FLRT1: variants seen among roughly 807,000 people sequenced by gnomAD.
FLRT1 encodes the protein leucine-rich repeat transmembrane protein FLRT1.
Under a neutral mutation model 30.9 loss-of-function variants are expected in FLRT1, and 14 were observed. The ratio of observed to expected loss-of-function variants is 0.45; its 90% CI spans 0.30 to 0.71. The LOEUF (loss-of-function observed/expected upper bound fraction) is 0.71. Among genes scored for constraint, FLRT1 ranks in the 30% least tolerant of loss-of-function variants. The pLI is 0.08. For missense variants in FLRT1, 737 were observed against 949.2 expected, an observed-to-expected ratio of 0.78 and a Z score of 2.94; for synonymous variants, 368 against 430.4, an observed-to-expected ratio of 0.85 and a Z score of 1.80.
Position 64,096,769 on chromosome 11 carries a change from C to A in FLRT1, c.-1037-6425C>A, listed in dbSNP as rs778086488. ...TCTGTGAAGGGGCAGGCTCTGGCCG[C>A]AGTGCCCCTCCCTGAGGGGAAGAGG... On this transcript the variant is annotated intron_variant, in intron 1 of 2. Coordinates refer to ENST00000682287, the MANE Select transcript of FLRT1 (RefSeq NM_013280.5). This position sits in a 1 kb window ranked among gnomAD's most constrained non-coding sequence, Gnocchi z 4.6. Among the ~76,000 whole-genome samples, 4 of 152,212 alleles carry A rather than the reference C, an allele frequency of 2.6e-5. No individual in the cohort carries two copies. The highest frequency in any genetic ancestry group is 6.5e-5 in the Admixed American group (1 of 15,288).
In FLRT1 at chr11:64,118,174, A is replaced by G; in HGVS notation, c.1907A>G (p.His636Arg). ...CGCGCCAAAGAAGAGTACGTGGTCC[A>G]CACTATCTTCCCCTCCAACGGCAGC... is the stretch of plus-strand genomic sequence containing the variant. Reference protein sequence around the residue: ...PYRAKEEYVVHTIFPSNGSSL... With the variant: ...PYRAKEEYVVRTIFPSNGSSL... Residue 636 changes from histidine to arginine, a missense_variant, in exon 3 of 3, where the codon CAC (histidine) becomes CGC (arginine). His to Arg is a conservative substitution (Grantham distance 29, BLOSUM62 0). Coordinates refer to ENST00000682287, the MANE Select transcript of FLRT1 (RefSeq NM_013280.5). 7 of 1,613,674 alleles carry G rather than the reference A, an allele frequency of 4.3e-6. No homozygotes were observed. The highest frequency in any genetic ancestry group is 5.9e-6 in the Non-Finnish European group (7 of 1,179,986).
At chr11:64,083,462 A>C (rs1944337907) in intron 1 of FLRT1, among the ~76,000 whole-genome samples, 1 of 152,118 alleles carries the variant, frequency 6.6e-6, no homozygotes, top group Admixed American at 6.5e-5. Flanking sequence ...AAAATAAAAG[A>C]AGCAAATGGC....
chr11:64,050,884 G>T, intron 1 of FLRT1, among the ~76,000 whole-genome samples: 1 of 152,222 alleles, frequency 6.6e-6, no homozygotes, highest in East Asian at 1.9e-4. Flanking sequence ...TTTCCAAAGT[G>T]CTGGGATTAC....
intron 2 of FLRT1, among the ~76,000 whole-genome samples, chr11:64,106,809 C>T (rs1026813757): frequency 1.3e-5 from 2 of 152,242 alleles, no homozygotes; most frequent in Admixed American, 6.5e-5. Flanking sequence ...CTTCCTTTTC[C>T]TCATCCCCCA....
Position 64,093,550 on chromosome 11 carries a change from T to C in FLRT1, c.-1037-9644T>C, listed in dbSNP as rs1039196188. On this transcript the variant is annotated intron_variant, in intron 1 of 2. Transcript: ENST00000682287. ...CATCTCTGCCTGGTACAGATTTCTT[T>C]CTTAACTCCATCCCTCCCAGTCCTT... 7.2e-5 allele frequency among the ~76,000 whole-genome samples: 11 copies of C among 152,318 alleles called. No individual in the cohort carries two copies. In the East Asian group the frequency reaches 1.9e-3, roughly 27 times the overall value.
chr11:64,061,223 G>GTTAT (rs1943897022), intron 1 of FLRT1, among the ~76,000 whole-genome samples: 2 of 152,244 alleles, frequency 1.3e-5, no homozygotes, highest in African/African-American at 4.8e-5. Flanking sequence ...TGTAATAAAT[G>GTTAT]CATTTGGAGT....
At chr11:64,053,966 T>C (rs2134419053) in intron 1 of FLRT1, among the ~76,000 whole-genome samples, 1 of 152,244 alleles carries the variant, frequency 6.6e-6, no homozygotes. Context: ...GTTCCTGCGT[T>C]CCAGCACCGT....
At chr11:64,085,046 C>A (rs1944370083) in intron 1 of FLRT1, among the ~76,000 whole-genome samples, 1 of 152,232 alleles carries the variant, frequency 6.6e-6, no homozygotes, top group African/African-American at 2.4e-5. Flanking sequence ...GATAAAGAAA[C>A]TGAGGCTCAG....
At chr11:64,046,049 A>G (rs761215508) in intron 1 of FLRT1, among the ~76,000 whole-genome samples, 1 of 152,170 alleles carries the variant, frequency 6.6e-6, no homozygotes, top group Non-Finnish European at 1.5e-5. Context: ...TGATACTGTT[A>G]TTATTCCCTT....
intron 1 of FLRT1, among the ~76,000 whole-genome samples, chr11:64,041,599 A>C (rs1468081371): frequency 3.3e-5 from 5 of 151,050 alleles, no homozygotes; most frequent in South Asian, 4.2e-4. Flanking sequence ...GAATGAATGG[A>C]AAAAGGGGTG....
chr11:64,069,468 A>G (rs1944065766), intron 1 of FLRT1, among the ~76,000 whole-genome samples: 1 of 152,206 alleles, frequency 6.6e-6, no homozygotes, highest in Non-Finnish European at 1.5e-5. Flanking sequence ...GCTGCTGGCC[A>G]GTCTGGTCCC....
At chr11:64,055,429 G>A (rs1236294266) in intron 1 of FLRT1, among the ~76,000 whole-genome samples, 3 of 152,346 alleles carry the variant, frequency 2.0e-5, no homozygotes, top group Non-Finnish European at 2.9e-5. Context: ...AGGCCAGGAC[G>A]GGAGCTAGTG....
At chr11:64,098,208 C>T (rs927922538) in intron 1 of FLRT1, among the ~76,000 whole-genome samples, 3 of 152,224 alleles carry the variant, frequency 2.0e-5, no homozygotes, top group African/African-American at 4.8e-5. Context: ...ACAGCCTCCC[C>T]CCTGCCCTTG....
chr11:64,099,281 C>T (rs527924830), intron 1 of FLRT1, among the ~76,000 whole-genome samples: 1 of 152,262 alleles, frequency 6.6e-6, no homozygotes, highest in Admixed American at 6.5e-5. Context: ...GCCCTGTGTG[C>T]GTCTCACATT....
chr11:64,110,372 A>C (rs1416930298), intron 2 of FLRT1, among the ~76,000 whole-genome samples: 1 of 151,646 alleles, frequency 6.6e-6, no homozygotes, highest in Non-Finnish European at 1.5e-5. Context: ...TCACCTGAGC[A>C]TGGGGAGGTC....
rs767738896 is a variant in FLRT1, at chr11:64,117,644, C to T, written c.1377C>T (p.Leu459=). 29 of 1,613,668 alleles carry T rather than the reference C, an allele frequency of 1.8e-5. No individual in the cohort carries two copies. In the East Asian group the frequency reaches 6.5e-4, roughly 36 times the overall value. The part of the protein sequence containing the change: ...DSIRITWKAT[L]PASSFRLSWL... ...TCCGCATCACGTGGAAGGCCACGCT[C>T]CCCGCCTCCTCTTTCCGGCTCAGTT... The change falls in exon 3 of 3, where the codon CTC becomes CTT. Residue 459 remains leucine (L), a synonymous_variant. Coordinates refer to ENST00000682287, the MANE Select transcript of FLRT1 (RefSeq NM_013280.5).
intron 1 of FLRT1, among the ~76,000 whole-genome samples, chr11:64,053,866 G>A (rs1452682409): frequency 6.6e-6 from 1 of 152,164 alleles, no homozygotes; most frequent in Admixed American, 6.5e-5. Context: ...TAGGGGCAGG[G>A]CTAAGATGCA....
intron 1 of FLRT1, among the ~76,000 whole-genome samples, chr11:64,045,442 A>G (rs979954395): frequency 3.3e-5 from 5 of 152,188 alleles, no homozygotes; most frequent in African/African-American, 1.2e-4. Context: ...AGAGAGGAGG[A>G]AATGTCATTA....
intron 1 of FLRT1, among the ~76,000 whole-genome samples, chr11:64,097,980 T>C (rs906213983): frequency 8.6e-5 from 13 of 151,598 alleles, no homozygotes; most frequent in African/African-American, 3.1e-4. Flanking sequence ...CTTCAGGGAG[T>C]AAAACCTGGG....
Sources: gnomAD v4.1 joint callset for allele counts (sites outside exome capture counted in the v4.1 genomes callset) on GRCh38, gnomAD v4.1.1 for gene constraint, Gnocchi (gnomAD v3.1) non-coding constraint, MANE v1.5 for transcripts, NCBI Gene and HGNC (gene_info 2026-07-23, HGNC 2026-07-21) for gene names.